Variants in GRM5 observed in about 807,000 individuals in gnomAD.
GRM5 encodes the protein metabotropic glutamate receptor 5.
A neutral mutation model predicts 83.1 loss-of-function variants in GRM5; 19 were observed. The observed-to-expected ratio is 0.23, with a 90% CI of 0.16 to 0.34. The LOEUF (loss-of-function observed/expected upper bound fraction) is 0.34. GRM5 is among the 10% of genes least tolerant of loss of function. The pLI, the probability that GRM5 is intolerant of heterozygous loss-of-function variation, is 1.00. For synonymous variants in GRM5, 675 were observed against 633.6 expected (o/e 1.07, Z -0.98); for missense variants, 1,160 against 1,588.3 (o/e 0.73, Z 4.58).
intron 3 of GRM5, among the ~76,000 whole-genome samples, chr11:88,680,474 C>T (rs1235335718): frequency 6.6e-6 from 1 of 152,088 alleles, no homozygotes; most frequent in East Asian, 1.9e-4. Context: ...TTTCTTAATC[C>T]AGTCTATCAT....
At chr11:88,827,106 T>C (rs1036698484) in intron 3 of GRM5, among the ~76,000 whole-genome samples, 2 of 152,144 alleles carry the variant, frequency 1.3e-5, no homozygotes, top group Non-Finnish European at 2.9e-5. Context: ...AATGTGTTTA[T>C]TTTGCTTGAG....
chr11:88,618,306 T>A (rs1938538654), intron 4 of GRM5, among the ~76,000 whole-genome samples: 1 of 152,194 alleles, frequency 6.6e-6, no homozygotes, highest in Non-Finnish European at 1.5e-5. Context: ...ATACAATTAT[T>A]TGGAAGTGAT....
chr11:88,883,314 A>G (rs192425552), intron 2 of GRM5, among the ~76,000 whole-genome samples: 2 of 152,324 alleles, frequency 1.3e-5, no homozygotes, highest in African/African-American at 4.8e-5. Context: ...TGATCATGAT[A>G]TGGACAATGA....
intron 7 of GRM5, among the ~76,000 whole-genome samples, chr11:88,570,976 C>A (rs911844614): frequency 6.6e-6 from 1 of 151,944 alleles, no homozygotes; most frequent in Non-Finnish European, 1.5e-5. Context: ...GTGCTGCTAA[C>A]GTCCATAGCA....
At chr11:88,883,838 A>C (rs1284313774) in intron 2 of GRM5, among the ~76,000 whole-genome samples, 1 of 151,974 alleles carries the variant, frequency 6.6e-6, no homozygotes, top group East Asian at 1.9e-4. Flanking sequence ...CAACTTACAC[A>C]TGGTGTTGGG....
intron 2 of GRM5, among the ~76,000 whole-genome samples, chr11:88,966,866 G>A (rs1229007604): frequency 3.9e-5 from 6 of 152,076 alleles, no homozygotes; most frequent in African/African-American, 1.4e-4. Context: ...TTAATATCAA[G>A]TGTTTTCTCC....
At chr11:88,597,128 T>C (rs990451109) in intron 6 of GRM5, 56 bp downstream of exon 6, 64 of 1,125,696 alleles carry the variant, frequency 5.7e-5, no homozygotes, top group Non-Finnish European at 7.4e-5. Flanking sequence ...TAGCCAATGA[T>C]AGTTAACACT....
In GRM5 at chr11:88,646,086, T is replaced by C. The variant is rs1046435758; in HGVS notation, c.1147+7082A>G. Among the ~76,000 whole-genome samples, 8 of 152,052 alleles carry C rather than the reference T, an allele frequency of 5.3e-5. No individual in the cohort carries two copies. The South Asian group carries it at 6.2e-4, about 12-fold the overall frequency. ...AGGTGAAAATGTCTGTTTGTTGTCT[T>C]AAGTGACACTCCTGGAAACTACTGG... On this transcript the variant is annotated intron_variant, in intron 4 of 9. Transcript: ENST00000305447.
chr11:88,653,376 C>T lies in GRM5; in HGVS notation c.939G>A (p.Val313=), dbSNP rs1187501953. ...GSDGWADRYD[V]TDGYQREAVG... is the part of the protein sequence containing the mutation. The stretch of plus-strand genomic sequence containing the variant: ...CAGCTTCTCGCTGATATCCATCTGT[C>T]ACATCATACCTGTCAGCCCAGCCAT... Residue 313 remains valine (V), a synonymous_variant, in exon 4 of 10, where the codon GTG becomes GTA. Transcript: ENST00000305447. 6.2e-7 allele frequency: 1 copy of T among 1,612,444 alleles called. No individual in the cohort carries two copies. The highest frequency in any genetic ancestry group is 8.5e-7 in the Non-Finnish European group (1 of 1,178,916).
At chr11:88,667,659 C>A (rs1185628424) in intron 3 of GRM5, among the ~76,000 whole-genome samples, 1 of 151,900 alleles carries the variant, frequency 6.6e-6, no homozygotes, top group East Asian at 1.9e-4. Context: ...TTTGGGAGGC[C>A]AATGCAGGCA....
At chr11:88,804,471 G>T (rs192203301) in intron 3 of GRM5, among the ~76,000 whole-genome samples, 12,728 of 150,968 alleles carry the variant, frequency 0.084, 987 homozygotes, top group African/African-American at 0.21. Context: ...TCACTCATAG[G>T]TTGGAATTGA....
intron 2 of GRM5, among the ~76,000 whole-genome samples, chr11:88,904,012 G>A (rs1334965658): frequency 6.6e-6 from 1 of 152,168 alleles, no homozygotes; most frequent in Non-Finnish European, 1.5e-5. Flanking sequence ...ACGAATTGAA[G>A]ATGCTCTCAT....
intron 8 of GRM5, among the ~76,000 whole-genome samples, 193 bp from the exon 9 acceptor site, chr11:88,525,597 A>C (rs754856978): frequency 4.6e-5 from 7 of 152,232 alleles, no homozygotes; most frequent in Non-Finnish European, 1.0e-4. Context: ...ATCAGGGATG[A>C]CGTTGTTACT....
intron 2 of GRM5, among the ~76,000 whole-genome samples, chr11:88,881,382 C>G (rs1171970891): frequency 6.7e-6 from 1 of 149,056 alleles, no homozygotes; most frequent in Non-Finnish European, 1.5e-5. Flanking sequence ...AAGAGATGAA[C>G]TTGATGGATT....
chr11:88,772,330 T>C (rs917198124), intron 3 of GRM5, among the ~76,000 whole-genome samples: 8 of 152,162 alleles, frequency 5.3e-5, no homozygotes, highest in Non-Finnish European at 1.0e-4. Flanking sequence ...TTAACCGTTT[T>C]CTTTGCCTCA....
At chr11:88,621,350 T>C (rs1938629270) in intron 4 of GRM5, among the ~76,000 whole-genome samples, 1 of 152,238 alleles carries the variant, frequency 6.6e-6, no homozygotes, top group African/African-American at 2.4e-5. Context: ...ATTAGCTTCT[T>C]ATCATACGTT....
chr11:88,736,348 A>G (rs1194864750), intron 3 of GRM5, among the ~76,000 whole-genome samples: 45 of 152,030 alleles, frequency 3.0e-4, no homozygotes, highest in Non-Finnish European at 4.4e-5. Flanking sequence ...TGATTATCCA[A>G]CCCTTACTCA....
At chr11:88,935,778 G>A (rs1937873241) in intron 2 of GRM5, among the ~76,000 whole-genome samples, 1 of 151,766 alleles carries the variant, frequency 6.6e-6, no homozygotes, top group South Asian at 2.1e-4. Context: ...CACATTTTAG[G>A]TTGTTCATAT....
chr11:88,800,380 A>G (rs2135485557), intron 3 of GRM5, among the ~76,000 whole-genome samples: 1 of 151,998 alleles, frequency 6.6e-6, no homozygotes, highest in East Asian at 1.9e-4. Context: ...AATCACAGGC[A>G]GAGTTATGTA....
Sources: gnomAD v4.1 joint callset for allele counts (sites outside exome capture counted in the v4.1 genomes callset) on GRCh38, gnomAD v4.1.1 for gene constraint, MANE v1.5 for transcripts, NCBI Gene and HGNC (gene_info 2026-07-23, HGNC 2026-07-21) for gene names.